Variants in NRXN3 observed in about 807,000 individuals in gnomAD.
The protein encoded by NRXN3 is neurexin 3.
NRXN3 carries 32 observed loss-of-function variants against 137.6 expected under a neutral mutation model. That is an observed-to-expected ratio of 0.23 (90% CI 0.18 to 0.31). The LOEUF is 0.31. Ranked by LOEUF, NRXN3 falls within the 10% of genes least tolerant of loss-of-function variation. The probability of loss-of-function intolerance (pLI) is 1.00; values close to 1 mark genes in which losing one functional copy is unlikely to be tolerated. For missense variants in NRXN3, 1,574 were observed against 2,062.5 expected, an observed-to-expected ratio of 0.76 and a Z score of 4.59; for synonymous variants, 798 against 784.5, an observed-to-expected ratio of 1.02 and a Z score of -0.29.
At chr14:79,627,385 C>A (rs1334907692) in intron 16 of NRXN3, among the ~76,000 whole-genome samples, 2 of 152,124 alleles carry the variant, frequency 1.3e-5, no homozygotes, top group Non-Finnish European at 2.9e-5. Flanking sequence ...TTCTGCTTAT[C>A]CTTTCTTCCC....
intron 16 of NRXN3, among the ~76,000 whole-genome samples, chr14:79,508,373 T>C (rs2153685570): frequency 6.7e-6 from 1 of 148,384 alleles, no homozygotes; most frequent in East Asian, 2.0e-4. Context: ...TGAATTTTCT[T>C]TATAAAACAA....
intron 15 of NRXN3, among the ~76,000 whole-genome samples, chr14:79,359,295 TG>T (rs2153413210): frequency 6.6e-6 from 1 of 152,304 alleles, no homozygotes; most frequent in Non-Finnish European, 1.5e-5. Flanking sequence ...TGGGGGTGAC[TG>T]TCCTTGCCAA....
At chr14:78,873,976 C>CTT (rs3034392) in intron 10 of NRXN3, among the ~76,000 whole-genome samples, 3,422 of 140,816 alleles carry the variant, frequency 0.024, 161 homozygotes, top group African/African-American at 0.084. Flanking sequence ...TCTTTTCTTT[C>CTT]TTTTTTTTTT....
intron 11 of NRXN3, among the ~76,000 whole-genome samples, chr14:78,965,398 T>C (rs540715048): frequency 6.6e-6 from 1 of 152,230 alleles, no homozygotes; most frequent in South Asian, 2.1e-4. Flanking sequence ...CCAAAGTCTG[T>C]GACAGTTAGG....
intron 17 of NRXN3, among the ~76,000 whole-genome samples, chr14:79,678,347 A>G (rs112390367): frequency 6.6e-6 from 1 of 152,298 alleles, no homozygotes; most frequent in African/African-American, 2.4e-5. Context: ...ATTCTCCTCT[A>G]AAAGTATTCA....
chr14:78,497,699 C>A (rs12588305), intron 4 of NRXN3, among the ~76,000 whole-genome samples: 58,280 of 151,898 alleles, frequency 0.38, 11,454 homozygotes, highest in Admixed American at 0.43. Context: ...TGTCAAGTGT[C>A]ATACTGGGAG....
intron 4 of NRXN3, among the ~76,000 whole-genome samples, chr14:78,633,520 C>A (rs2097541579): frequency 6.6e-6 from 1 of 152,158 alleles, no homozygotes; most frequent in African/African-American, 2.4e-5. Context: ...TTAATTATTT[C>A]AGACCCTGGG....
At chr14:78,465,878 G>C (rs953707278) in intron 4 of NRXN3, among the ~76,000 whole-genome samples, 28 of 146,792 alleles carry the variant, frequency 1.9e-4, no homozygotes, top group African/African-American at 6.8e-4. Flanking sequence ...TTGAGATGGA[G>C]TCTTGCTCTG....
At chr14:78,723,937 T>G (rs928547000) in intron 8 of NRXN3, among the ~76,000 whole-genome samples, 1 of 152,094 alleles carries the variant, frequency 6.6e-6, no homozygotes, top group African/African-American at 2.4e-5. Flanking sequence ...CTTTAAATGG[T>G]GTATTTGGAA....
chr14:79,271,893 C>T (rs1223724358), intron 15 of NRXN3, among the ~76,000 whole-genome samples: 1 of 152,124 alleles, frequency 6.6e-6, no homozygotes, highest in Non-Finnish European at 1.5e-5. Flanking sequence ...TTTTCAAACC[C>T]TCAAAACTAT....
At chr14:78,874,417 T>G (rs2099108804) in intron 10 of NRXN3, among the ~76,000 whole-genome samples, 1 of 152,346 alleles carries the variant, frequency 6.6e-6, no homozygotes, top group African/African-American at 2.4e-5. Flanking sequence ...GCTTCTGAGA[T>G]GCTAATCAGT....
At chr14:79,098,207 C>T (rs2050684723) in intron 15 of NRXN3, among the ~76,000 whole-genome samples, 1 of 152,096 alleles carries the variant, frequency 6.6e-6, no homozygotes, top group Non-Finnish European at 1.5e-5. Flanking sequence ...CCCGTCTTAG[C>T]CAATCTCAGG....
intron 20 of NRXN3, among the ~76,000 whole-genome samples, chr14:79,828,677 T>C (rs2099313329): frequency 8.3e-6 from 1 of 120,618 alleles, no homozygotes; most frequent in Admixed American, 9.0e-5. Flanking sequence ...GCGTACCAAA[T>C]CCTATCAATG....
chr14:78,959,963 T>C (rs1472408904), intron 11 of NRXN3, among the ~76,000 whole-genome samples: 1 of 152,118 alleles, frequency 6.6e-6, no homozygotes, highest in Non-Finnish European at 1.5e-5. Flanking sequence ...AAAAGTATAG[T>C]CATAAAGAAC....
chr14:79,680,958 G>T (rs1210817673), intron 17 of NRXN3, among the ~76,000 whole-genome samples: 1 of 152,104 alleles, frequency 6.6e-6, no homozygotes, highest in Non-Finnish European at 1.5e-5. Context: ...TCTTCCCCTA[G>T]TCTGTGTCTA....
intron 16 of NRXN3, among the ~76,000 whole-genome samples, chr14:79,588,373 A>AT (rs1314592090): frequency 2.0e-5 from 3 of 152,152 alleles, no homozygotes; most frequent in African/African-American, 7.2e-5. Flanking sequence ...CTGCTTCATC[A>AT]TTTTTTAGTC....
intron 15 of NRXN3, among the ~76,000 whole-genome samples, chr14:79,220,327 G>T (rs77775823): frequency 0.024 from 3,684 of 152,236 alleles, 79 homozygotes; most frequent in Non-Finnish European, 0.033. Flanking sequence ...TAGGTTCATA[G>T]TAAAATTGAG....
chr14:78,829,418 T>C (rs2098975765), intron 10 of NRXN3, among the ~76,000 whole-genome samples: 1 of 152,174 alleles, frequency 6.6e-6, no homozygotes, highest in Non-Finnish European at 1.5e-5. Flanking sequence ...AGTGTATTAG[T>C]GGTAAGACTT....
rs549587496 is a variant in NRXN3, at chr14:78,882,858, A to C, written c.2275+72514A>C. On this transcript the variant is annotated intron_variant, in intron 10 of 20. Transcript: ENST00000335750. ...AATAATATGGTTTGGCTATGTTTGCACCTAAATCTCATCTTGAATTTTAGT... is the reference window on the plus strand; with the variant it reads ...AATAATATGGTTTGGCTATGTTTGCCCCTAAATCTCATCTTGAATTTTAGT... Among the ~76,000 whole-genome samples, 8 of 151,672 alleles carry C rather than the reference A, an allele frequency of 5.3e-5. No individual in the cohort carries two copies. In the South Asian group the frequency reaches 6.2e-4, roughly 12 times the overall value.
Sources: allele counts gnomAD v4.1 joint callset (sites outside exome capture counted in the v4.1 genomes callset), GRCh38; gene constraint gnomAD v4.1.1; transcripts MANE v1.5; gene names NCBI Gene and HGNC (gene_info 2026-07-23, HGNC 2026-07-21).